The following RYR2 variants were observed in gnomAD, a reference collection of about 807,000 sequenced individuals.
The protein encoded by RYR2 is cardiac muscle ryanodine receptor-calcium release channel.
In RYR2, 227 loss-of-function variants were observed where a neutral mutation model predicts 601.1. The observed-to-expected ratio is 0.38, with a 90% confidence interval of 0.34 to 0.42. The LOEUF (loss-of-function observed/expected upper bound fraction) is 0.42. RYR2 is among the 10% of genes least tolerant of loss of function. The pLI is 1.00. For missense variants in RYR2, 4,646 were observed against 6,156.5 expected, an observed-to-expected ratio of 0.75 and a Z score of 8.21; for synonymous variants, 2,223 against 2,175.1, an observed-to-expected ratio of 1.02 and a Z score of -0.61.
At chr1:237,451,788 A>AT (rs1237699266) in intron 14 of RYR2, among the ~76,000 whole-genome samples, 2 of 151,940 alleles carry the variant, frequency 1.3e-5, no homozygotes, top group Non-Finnish European at 2.9e-5. Context: ...TTTTTCAGTT[A>AT]TTTTTTTACT....
At chr1:237,717,118 G>A (rs1689329180) in intron 71 of RYR2, 80 bp from the exon 72 acceptor site, 3 of 1,262,450 alleles carry the variant, frequency 2.4e-6, no homozygotes, top group Non-Finnish European at 3.3e-6. Context: ...AAGATGAAGT[G>A]ACAAGTTAGG....
intron 1 of RYR2, among the ~76,000 whole-genome samples, chr1:237,193,146 C>A (rs1271964044): frequency 5.3e-5 from 2 of 38,066 alleles, no homozygotes; most frequent in Non-Finnish European, 1.1e-4. Flanking sequence ...CATGGTGAAA[C>A]CTCCGTCTCT....
chr1:237,339,063 C>T (rs1697508582), intron 3 of RYR2, among the ~76,000 whole-genome samples: 1 of 152,038 alleles, frequency 6.6e-6, no homozygotes, highest in Non-Finnish European at 1.5e-5. Context: ...TATAAGTCTT[C>T]TGTATTTTAA....
At position 237,500,896 on chromosome 1, in the gene RYR2, G is replaced by A. The variant is rs200121281; in HGVS notation, c.2389G>A (p.Gly797Arg). 57 of 1,613,758 alleles carry A rather than the reference G, an allele frequency of 3.5e-5. No individual in the cohort carries two copies. In the African/African-American group the frequency reaches 5.3e-4, roughly 15 times the overall value. Reference sequence around the variant, plus strand: ...CTTTCCAGTCGTTAGTTTCTCTGCAGGAATAAAGTTAGTATGTCTATGTTT... The same window carrying A: ...CTTTCCAGTCGTTAGTTTCTCTGCAAGAATAAAGTTAGTATGTCTATGTTT... ...LFFPVVSFSA[G>R]IKVRFLLGGR... Residue 797 changes from glycine to arginine, a missense_variant, in exon 21 of 105, where the codon GGA becomes AGA. Gly to Arg is a moderately radical substitution (Grantham distance 125). Around this residue, in one of 17 missense-constraint regions of RYR2, gnomAD observed 1,807 missense variants for 2,088.1 expected, o/e 0.87. Transcript: ENST00000366574.
Position 237,614,139 on chromosome 1 carries a change from C to G in RYR2, c.5011C>G (p.Arg1671Gly). 6.2e-7 allele frequency: 1 copy of G among 1,614,018 alleles called. No homozygotes were observed. Among genetic ancestry groups the G allele is most frequent in the Non-Finnish European group, 8.5e-7 (1 of 1,179,890 alleles). The change falls in exon 37 of 105, where the codon CGG becomes GGG. Residue 1671 changes from arginine (R) to glycine (G), a missense_variant. Physicochemically the swap from Arg to Gly is moderately radical, Grantham distance 125. Transcript: ENST00000366574. This position sits in a 1 kb window ranked among gnomAD's most constrained non-coding sequence, Gnocchi z 4.3. ...AGCCGTCTGTGCTCTTGGGAACCAC[C>G]GGGTGGCCCATGCCCTGTGCAGCCA... The part of the protein sequence containing the change: ...YSAVCALGNH[R>G]VAHALCSHVD...
chr1:237,550,443 C>A (rs994034777), intron 26 of RYR2, 101 bp from the exon 27 acceptor site: 13 of 1,375,824 alleles, frequency 9.4e-6, no homozygotes, highest in Non-Finnish European at 1.3e-5. Context: ...GGAAGGGTCA[C>A]GTTTTTCTCA....
At chr1:237,095,026 A>G (rs1667375160) in intron 1 of RYR2, among the ~76,000 whole-genome samples, 1 of 152,200 alleles carries the variant, frequency 6.6e-6, no homozygotes, top group African/African-American at 2.4e-5. Context: ...ATGGGACTGA[A>G]CTTTATAGAT....
intron 58 of RYR2, among the ~76,000 whole-genome samples, chr1:237,670,990 T>C (rs1156441956): frequency 1.3e-5 from 2 of 152,210 alleles, no homozygotes; most frequent in East Asian, 3.8e-4. Context: ...CAGATCGATA[T>C]TTTCTTTAAG....
At chr1:237,557,973 G>C (rs1176908560) in intron 27 of RYR2, among the ~76,000 whole-genome samples, 1 of 152,198 alleles carries the variant, frequency 6.6e-6, no homozygotes, top group Non-Finnish European at 1.5e-5. Context: ...ACTATTGCTA[G>C]AGAGAAACAG....
chr1:237,687,183 AT>A (rs944329115), intron 62 of RYR2, among the ~76,000 whole-genome samples: 2 of 151,064 alleles, frequency 1.3e-5, no homozygotes, highest in Non-Finnish European at 3.0e-5. Flanking sequence ...TTTGCTTTCA[AT>A]TTTTTTTGGT....
At position 237,687,475 on chromosome 1, in the gene RYR2, T is replaced by C. The variant is rs1686530290; in HGVS notation, c.9038T>C (p.Val3013Ala). 1.9e-6 allele frequency: 3 copies of C among 1,607,278 alleles called. No homozygotes were observed. Among genetic ancestry groups the C allele is most frequent in the Admixed American group, 1.7e-5 (1 of 59,634 alleles). Residue 3013 changes from valine to alanine, a missense_variant, in exon 63 of 105, where the codon GTT becomes GCT. Physicochemically the swap from Val to Ala is moderately conservative, Grantham distance 64. Around this residue, in one of 17 missense-constraint regions of RYR2, gnomAD observed 1,497 missense variants for 1,842.6 expected, o/e 0.81. Coordinates refer to ENST00000366574, the MANE Select transcript of RYR2 (RefSeq NM_001035.3). Reference sequence around the variant, plus strand: ...TTCAGCCTATTCTGCAAACTTGGAGTTCTTGTCAGGCATAGGATTTCACTA... The same window carrying C: ...TTCAGCCTATTCTGCAAACTTGGAGCTCTTGTCAGGCATAGGATTTCACTA... ...MVTSLFCKLGVLVRHRISLFG... is the reference protein window; with the variant it reads ...MVTSLFCKLGALVRHRISLFG...
At chr1:237,166,990 G>A (rs188033263) in intron 1 of RYR2, among the ~76,000 whole-genome samples, 366 of 152,294 alleles carry the variant, frequency 2.4e-3, no homozygotes, top group Non-Finnish European at 4.5e-3. Flanking sequence ...AAATAATGAA[G>A]CAACAAATAA....
chr1:237,181,708 A>T (rs571519832), intron 1 of RYR2, among the ~76,000 whole-genome samples: 18 of 152,336 alleles, frequency 1.2e-4, no homozygotes, highest in African/African-American at 4.3e-4. Context: ...ATGGCTGCTG[A>T]GTGTCTTAAT....
At chr1:237,386,284 C>A (rs754253727) in intron 8 of RYR2, among the ~76,000 whole-genome samples, 6 of 152,178 alleles carry the variant, frequency 3.9e-5, no homozygotes, top group Non-Finnish European at 7.3e-5. Context: ...ACGACCTCTT[C>A]TTGATGGTGA....
intron 57 of RYR2, among the ~76,000 whole-genome samples, chr1:237,667,139 A>G (rs1447872644): frequency 6.6e-6 from 1 of 152,150 alleles, no homozygotes; most frequent in African/African-American, 2.4e-5. Context: ...TTTGTCACCA[A>G]GGAACCTACT....
chr1:237,662,198 T>C (rs1017023834), intron 56 of RYR2, among the ~76,000 whole-genome samples: 2 of 152,166 alleles, frequency 1.3e-5, no homozygotes, highest in Non-Finnish European at 2.9e-5. Flanking sequence ...TTACATTCAA[T>C]TGTCTTTGGG....
intron 1 of RYR2, among the ~76,000 whole-genome samples, chr1:237,162,077 C>T (rs1438099205): frequency 1.3e-5 from 2 of 152,124 alleles, no homozygotes; most frequent in Non-Finnish European, 2.9e-5. Flanking sequence ...CTTCTGCTTC[C>T]TGTGGCAAAT....
At chr1:237,825,500 A>G (rs1662989115) in intron 101 of RYR2, among the ~76,000 whole-genome samples, 1 of 152,204 alleles carries the variant, frequency 6.6e-6, no homozygotes, top group Admixed American at 6.5e-5. Flanking sequence ...ATTACACCTT[A>G]TACAAAAATT....
Position 237,558,467 on chromosome 1 carries a change from G to T in RYR2, c.3214+7776G>T, listed in dbSNP as rs546252306. Among the ~76,000 whole-genome samples, 12 of 152,172 alleles carry T rather than the reference G, an allele frequency of 7.9e-5. No individual in the cohort carries two copies. The South Asian group carries it at 2.1e-3, about 26-fold the overall frequency. On this transcript the variant is annotated intron_variant, in intron 27 of 104. Coordinates refer to ENST00000366574, the MANE Select transcript of RYR2 (RefSeq NM_001035.3). ...TCTGGCCTTTATGTTTTCTGATAAGGCATTGACATTAATCTTTTGGAGGGT... is the reference window on the plus strand; with the variant it reads ...TCTGGCCTTTATGTTTTCTGATAAGTCATTGACATTAATCTTTTGGAGGGT...
Sources: gnomAD v4.1 joint callset for allele counts (sites outside exome capture counted in the v4.1 genomes callset) on GRCh38, gnomAD v4.1.1 for gene constraint, gnomAD v4.1.1 regional missense constraint, Gnocchi (gnomAD v3.1) non-coding constraint, MANE v1.5 for transcripts, NCBI Gene and HGNC (gene_info 2026-07-23, HGNC 2026-07-21) for gene names.